The following NCOA2 variants were observed in gnomAD, a reference collection of about 807,000 sequenced individuals.
NCOA2 encodes nuclear receptor coactivator 2.
Under a neutral mutation model 145.1 loss-of-function variants are expected in NCOA2, and 21 were observed. The ratio of observed to expected loss-of-function variants is 0.14; its 90% CI spans 0.10 to 0.21. The LOEUF is 0.21. NCOA2 is among the 10% of genes least tolerant of loss of function. The pLI is 1.00. For missense variants in NCOA2, 1,472 were observed against 1,837.6 expected (o/e 0.80, Z 3.64); for synonymous variants, 619 against 637.5 (o/e 0.97, Z 0.44).
At chr8:70,297,685 G>A (rs966818329) in intron 1 of NCOA2, among the ~76,000 whole-genome samples, 9 of 152,166 alleles carry the variant, frequency 5.9e-5, no homozygotes, top group Non-Finnish European at 8.8e-5. Context: ...AAGATAATTT[G>A]CAAGAGAAAA....
chr8:70,140,740 G>A (rs549634656), intron 14 of NCOA2, among the ~76,000 whole-genome samples: 2 of 151,602 alleles, frequency 1.3e-5, no homozygotes, highest in East Asian at 3.9e-4. Flanking sequence ...GGGGTTACAG[G>A]TGCCCACCAC....
chr8:70,226,287 GAA>G (rs1320346133), intron 2 of NCOA2, among the ~76,000 whole-genome samples: 1 of 151,922 alleles, frequency 6.6e-6, no homozygotes, highest in Non-Finnish European at 1.5e-5. Flanking sequence ...AGAGAGGAAA[GAA>G]AGAAAGAAGA....
chr8:70,389,126 C>A (rs545682123), intron 1 of NCOA2, among the ~76,000 whole-genome samples: 6 of 152,062 alleles, frequency 3.9e-5, no homozygotes, highest in Non-Finnish European at 8.8e-5. Flanking sequence ...TTTTGTTGTT[C>A]CCCCTTGTTT....
intron 2 of NCOA2, among the ~76,000 whole-genome samples, chr8:70,245,626 C>T (rs117690846): frequency 0.033 from 5,031 of 151,964 alleles, 128 homozygotes; most frequent in Non-Finnish European, 0.049. Flanking sequence ...CACTCACATA[C>T]GCATGTCTAA....
intron 2 of NCOA2, among the ~76,000 whole-genome samples, chr8:70,221,739 C>G (rs1820151982): frequency 6.6e-6 from 1 of 152,130 alleles, no homozygotes; most frequent in African/African-American, 2.4e-5. Context: ...ACAGACTACT[C>G]AAGGATATAA....
At chr8:70,341,944 A>G (rs1350273493) in intron 1 of NCOA2, among the ~76,000 whole-genome samples, 1 of 152,194 alleles carries the variant, frequency 6.6e-6, no homozygotes, top group African/African-American at 2.4e-5. Flanking sequence ...ATCTCTTTTT[A>G]TCTAAGACAA....
intron 21 of NCOA2, among the ~76,000 whole-genome samples, chr8:70,123,193 T>TA (rs1808018614): frequency 6.6e-6 from 1 of 152,234 alleles, no homozygotes; most frequent in South Asian, 2.1e-4. Flanking sequence ...ACAATTATTT[T>TA]AAAAAATCAT....
At chr8:70,339,018 C>T (rs1032138674) in intron 1 of NCOA2, among the ~76,000 whole-genome samples, 4 of 152,038 alleles carry the variant, frequency 2.6e-5, no homozygotes, top group Non-Finnish European at 5.9e-5. Context: ...CCCTTGAAAA[C>T]CGGCATAAGA....
At chr8:70,269,803 A>G (rs1215988927) in intron 2 of NCOA2, among the ~76,000 whole-genome samples, 1 of 152,238 alleles carries the variant, frequency 6.6e-6, no homozygotes. Flanking sequence ...AGATGTGCCT[A>G]TGTTGAAACT....
intron 2 of NCOA2, among the ~76,000 whole-genome samples, chr8:70,288,106 TAGC>T (rs1826378340): frequency 6.6e-6 from 1 of 152,182 alleles, no homozygotes; most frequent in Non-Finnish European, 1.5e-5. Flanking sequence ...AGGATCATAA[TAGC>T]AGCTACATCA....
At chr8:70,373,445 C>A (rs1354156180) in intron 1 of NCOA2, among the ~76,000 whole-genome samples, 1 of 152,120 alleles carries the variant, frequency 6.6e-6, no homozygotes, top group Non-Finnish European at 1.5e-5. Flanking sequence ...TTTACATATT[C>A]TAGATAAAAG....
intron 2 of NCOA2, among the ~76,000 whole-genome samples, chr8:70,280,770 T>G (rs1335754574): frequency 6.6e-6 from 1 of 152,130 alleles, no homozygotes; most frequent in Non-Finnish European, 1.5e-5. Flanking sequence ...CAAGCAGCTT[T>G]GGGGCTTTTT....
At position 70,201,851 on chromosome 8, in the gene NCOA2, T is replaced by G. The variant is rs183799274; in HGVS notation, c.259+12052A>C. 9.9e-5 allele frequency among the ~76,000 whole-genome samples: 15 copies of G among 152,266 alleles called. 1 individual carries two copies. The highest frequency in any genetic ancestry group is 9.2e-4 in the Admixed American group (14 of 15,296). On this transcript the variant is annotated intron_variant, in intron 4 of 22. Transcript: ENST00000452400. The stretch of plus-strand genomic sequence containing the variant: ...TGAGGCAAAATGTCCAGAAAGGAGA[T>G]GTCAATGCCATGGTGGTTTTCTCTC...
chr8:70,364,256 A>G (rs950509281), intron 1 of NCOA2, among the ~76,000 whole-genome samples: 1 of 152,208 alleles, frequency 6.6e-6, no homozygotes, highest in Admixed American at 6.5e-5. Flanking sequence ...TGAAAAAAAA[A>G]AGGAAATGTC....
chr8:70,299,250 A>C (rs1198987903), intron 1 of NCOA2, among the ~76,000 whole-genome samples: 2 of 152,194 alleles, frequency 1.3e-5, no homozygotes, highest in Non-Finnish European at 2.9e-5. Flanking sequence ...TTTAAAGCAA[A>C]AGTGGAGGTA....
At chr8:70,118,733 T>C (rs551763108) in intron 22 of NCOA2, among the ~76,000 whole-genome samples, 79 of 150,794 alleles carry the variant, frequency 5.2e-4, no homozygotes, top group Middle Eastern at 3.4e-3. Context: ...TTGTCACCCA[T>C]GCTGGAGTGC....
At chr8:70,299,085 A>AC (rs1827302106) in intron 1 of NCOA2, among the ~76,000 whole-genome samples, 2 of 152,250 alleles carry the variant, frequency 1.3e-5, no homozygotes, top group South Asian at 4.1e-4. Context: ...AAACAAACAA[A>AC]AAAAACCAGA....
intron 1 of NCOA2, among the ~76,000 whole-genome samples, chr8:70,300,903 T>C (rs573443673): frequency 5.9e-5 from 9 of 152,176 alleles, no homozygotes; most frequent in Admixed American, 1.3e-4. Flanking sequence ...TTAACCTTCA[T>C]AACAATCCTA....
chr8:70,224,035 T>A (rs576601418), intron 2 of NCOA2, among the ~76,000 whole-genome samples: 2 of 152,342 alleles, frequency 1.3e-5, no homozygotes, highest in South Asian at 4.1e-4. Context: ...GAATCATGTA[T>A]CCATTTATTC....
Sources: allele counts gnomAD v4.1 joint callset (sites outside exome capture counted in the v4.1 genomes callset), GRCh38; gene constraint gnomAD v4.1.1; transcripts MANE v1.5; gene names NCBI Gene and HGNC (gene_info 2026-07-23, HGNC 2026-07-21).